The following BCAR3 variants were observed in gnomAD, a reference collection of about 807,000 sequenced individuals.
BCAR3 encodes the protein breast cancer anti-estrogen resistance protein 3.
A neutral mutation model predicts 80.1 loss-of-function variants in BCAR3; 37 were observed. The ratio of observed to expected loss-of-function variants is 0.46; its 90% confidence interval spans 0.36 to 0.61. The LOEUF (loss-of-function observed/expected upper bound fraction) is 0.61, where lower values mean the gene tolerates loss of function less well. Among genes scored for constraint, BCAR3 ranks in the 20% least tolerant of loss-of-function variants. The pLI is 0.00. For synonymous variants in BCAR3, 389 were observed against 418.9 expected (o/e 0.93, Z 0.87); for missense variants, 978 against 1,068.2 (o/e 0.92, Z 1.18).
intron 2 of BCAR3, among the ~76,000 whole-genome samples, chr1:93,758,535 A>G (rs1195730072): frequency 6.6e-6 from 1 of 152,210 alleles, no homozygotes; most frequent in African/African-American, 2.4e-5. Context: ...GATGGTCTAA[A>G]TCTATGACAC....
chr1:93,668,540 T>C (rs1264049833), intron 2 of BCAR3, among the ~76,000 whole-genome samples: 1 of 152,118 alleles, frequency 6.6e-6, no homozygotes, highest in South Asian at 2.1e-4. Context: ...CACCGAGGGG[T>C]ATTTCAAAAT....
chr1:93,712,717 G>T (rs1182672932), intron 2 of BCAR3, among the ~76,000 whole-genome samples: 1 of 152,122 alleles, frequency 6.6e-6, no homozygotes, highest in Non-Finnish European at 1.5e-5. Context: ...TCAGCTCTAT[G>T]GCATAGGAAC....
chr1:93,704,099 G>GC (rs1458961781), intron 3 of BCAR3, among the ~76,000 whole-genome samples: 1 of 152,210 alleles, frequency 6.6e-6, no homozygotes, highest in Admixed American at 6.5e-5. Flanking sequence ...GCAGCACAGG[G>GC]CTAGTGAGAG....
In BCAR3 at chr1:93,592,692, C is replaced by T. The variant is rs1214353417; in HGVS notation, c.358-299G>A. ...CCAGAGAGATGTACAGACAGCAAGA[C>T]ACAGCAGCCCAGCCTGCTCTCTTCC... is the stretch of plus-strand genomic sequence containing the variant. On this transcript the variant is annotated intron_variant, in intron 3 of 11. Transcript: ENST00000260502. The surrounding 1 kb of genome is among the most constrained non-coding windows in gnomAD (Gnocchi z 4.8). 6.6e-6 allele frequency among the ~76,000 whole-genome samples: 1 copy of T among 152,194 alleles called. No homozygotes were observed. The highest frequency in any genetic ancestry group is 1.5e-5 in the Non-Finnish European group (1 of 68,038).
chr1:93,612,232 G>A (rs905788531), intron 3 of BCAR3, among the ~76,000 whole-genome samples: 2 of 152,168 alleles, frequency 1.3e-5, no homozygotes, highest in African/African-American at 4.8e-5. Context: ...TTTCCAGTGA[G>A]TGAGCAGCTC....
intron 2 of BCAR3, among the ~76,000 whole-genome samples, chr1:93,662,416 A>T (rs1647704901): frequency 1.3e-5 from 2 of 152,190 alleles, no homozygotes; most frequent in African/African-American, 4.8e-5. Flanking sequence ...CTCAAGTTGT[A>T]TTCAACTAGG....
In BCAR3 at chr1:93,616,446, C is replaced by A. The variant is rs1007713101; in HGVS notation, c.358-24053G>T. Reference sequence around the variant, plus strand: ...TAAGCTTTTAAACGCTGCCTATTTACGCTGATCAATTCCTCCCATTCTCCC... The same window carrying A: ...TAAGCTTTTAAACGCTGCCTATTTAAGCTGATCAATTCCTCCCATTCTCCC... On this transcript the variant is annotated intron_variant, in intron 3 of 11. Transcript: ENST00000260502. 1.3e-4 allele frequency among the ~76,000 whole-genome samples: 20 copies of A among 152,276 alleles called. 1 individual carries two copies. Among genetic ancestry groups the A allele is most frequent in the Admixed American group, 1.2e-3 (19 of 15,298 alleles).
At chr1:93,799,825 G>A (rs1030196673) in intron 2 of BCAR3, among the ~76,000 whole-genome samples, 2 of 152,244 alleles carry the variant, frequency 1.3e-5, no homozygotes, top group Non-Finnish European at 2.9e-5. Flanking sequence ...TATATTGACA[G>A]CTGTTCCAGG....
Position 93,592,363 on chromosome 1 carries a change from T to C in BCAR3, c.388A>G (p.Thr130Ala), listed in dbSNP as rs1570944412. ...AGCTCCTTCTTCAGTTTCTCGGGGGTCCTGTCCATGATGTGCCTCTCCTTG... is the reference window on the plus strand; with the variant it reads ...AGCTCCTTCTTCAGTTTCTCGGGGGCCCTGTCCATGATGTGCCTCTCCTTG... ...FSKERHIMDR[T>A]PEKLKKELEE... The change falls in exon 4 of 12, where the codon ACC becomes GCC. Residue 130 changes from threonine (T) to alanine (A), a missense_variant. Thr to Ala is a moderately conservative substitution (Grantham distance 58). Coordinates refer to ENST00000260502, the MANE Select transcript of BCAR3 (RefSeq NM_003567.4). The surrounding 1 kb of genome is among the most constrained non-coding windows in gnomAD (Gnocchi z 4.8). 6.2e-7 allele frequency: 1 copy of C among 1,604,494 alleles called. No individual in the cohort carries two copies. Among genetic ancestry groups the C allele is most frequent in the Non-Finnish European group, 8.5e-7 (1 of 1,179,192 alleles).
intron 2 of BCAR3, among the ~76,000 whole-genome samples, chr1:93,754,651 C>T (rs776871088): frequency 2.3e-4 from 35 of 152,154 alleles, no homozygotes; most frequent in Non-Finnish European, 4.6e-4. Flanking sequence ...GCTGTGGTAA[C>T]ATCGCAGTGC....
chr1:93,724,183 C>A (rs1650501402), intron 2 of BCAR3, among the ~76,000 whole-genome samples: 1 of 152,208 alleles, frequency 6.6e-6, no homozygotes, highest in Admixed American at 6.5e-5. Context: ...GGGAGCCCCA[C>A]AGAGGGGAAC....
At chr1:93,812,110 A>T (rs997858644) in intron 2 of BCAR3, among the ~76,000 whole-genome samples, 3 of 152,188 alleles carry the variant, frequency 2.0e-5, no homozygotes, top group Admixed American at 1.3e-4. Flanking sequence ...TGATTTTTTT[A>T]AAAAACATCT....
At chr1:93,669,014 A>G (rs907006079) in intron 2 of BCAR3, among the ~76,000 whole-genome samples, 15 of 151,998 alleles carry the variant, frequency 9.9e-5, no homozygotes, top group African/African-American at 3.6e-4. Flanking sequence ...CACCCGGCCC[A>G]AGATTTTTTT....
chr1:93,775,945 T>C (rs943012916), intron 2 of BCAR3, among the ~76,000 whole-genome samples: 4 of 152,240 alleles, frequency 2.6e-5, no homozygotes, highest in African/African-American at 9.6e-5. Context: ...TGTATGTACC[T>C]AGGACTTTTA....
intron 1 of BCAR3, among the ~76,000 whole-genome samples, chr1:93,675,925 CAA>C (rs58706715): frequency 3.9e-4 from 20 of 51,442 alleles, no homozygotes; most frequent in South Asian, 1.0e-3. Context: ...AAATAGGAGA[CAA>C]AAAAAAAAAA....
At chr1:93,846,436 G>C (rs935620357) in intron 1 of BCAR3, among the ~76,000 whole-genome samples, 1 of 152,222 alleles carries the variant, frequency 6.6e-6, no homozygotes, top group Non-Finnish European at 1.5e-5. Flanking sequence ...CGCCGCTGCA[G>C]TCGCAGAGCA....
chr1:93,754,130 G>A (rs4847257), intron 2 of BCAR3: 60,526 of 152,138 alleles, frequency 0.4, 13,298 homozygotes, highest in Non-Finnish European at 0.5. Flanking sequence ...TCCCACAGTC[G>A]AAGAAATGAA....
intron 2 of BCAR3, among the ~76,000 whole-genome samples, chr1:93,774,353 G>A (rs535949362): frequency 1.2e-4 from 19 of 152,022 alleles, no homozygotes; most frequent in African/African-American, 4.1e-4. Flanking sequence ...GCGTGGTGGC[G>A]TGCACCTGTA....
At chr1:93,753,016 T>C (rs990434017) in intron 2 of BCAR3, 86 of 152,216 alleles carry the variant, frequency 5.6e-4, no homozygotes, top group African/African-American at 1.8e-3. Context: ...TGACGCACAG[T>C]GCTAAGTTAA....
Sources: gnomAD v4.1 joint callset for allele counts (sites outside exome capture counted in the v4.1 genomes callset) on GRCh38, gnomAD v4.1.1 for gene constraint, Gnocchi (gnomAD v3.1) non-coding constraint, MANE v1.5 for transcripts, NCBI Gene and HGNC (gene_info 2026-07-23, HGNC 2026-07-21) for gene names.